Variants in SYNRG observed in about 807,000 individuals in gnomAD.
The protein encoded by SYNRG is AP1 gamma subunit binding protein 1.
In SYNRG, 37 loss-of-function variants were observed where a neutral mutation model predicts 130.9. The ratio of observed to expected loss-of-function variants is 0.28; its 90% CI spans 0.22 to 0.37. The LOEUF (loss-of-function observed/expected upper bound fraction) is 0.37. Among genes scored for constraint, SYNRG ranks in the 10% least tolerant of loss-of-function variants. The probability of loss-of-function intolerance (pLI) is 1.00; values close to 1 mark genes in which losing one functional copy is unlikely to be tolerated. For synonymous variants in SYNRG, 539 were observed against 568.1 expected (o/e 0.95, Z 0.73); for missense variants, 1,338 against 1,588.9 (o/e 0.84, Z 2.68).
At chr17:37,573,807 G>A (rs2060615892) in intron 8 of SYNRG, among the ~76,000 whole-genome samples, 1 of 152,178 alleles carries the variant, frequency 6.6e-6, no homozygotes, top group African/African-American at 2.4e-5. Context: ...TTGTTAAAAT[G>A]TCCATAGTAC....
At position 37,577,517 on chromosome 17, in the gene SYNRG, G is replaced by A; in HGVS notation, c.686C>T (p.Ala229Val). ...CTTCTTACTGGAACCTGGGCCTAGG[G>A]CTTTGTGGCCAACTTCAGAAGTATT... The part of the protein sequence containing the change: ...KLNTSEVGHK[A>V]LGPGSSKKYP... Residue 229 changes from alanine to valine, a missense_variant, in exon 7 of 22, where the codon GCC (alanine) becomes GTC (valine). Coordinates refer to ENST00000612223, the MANE Select transcript of SYNRG (RefSeq NM_007247.6). 6.2e-7 allele frequency: 1 copy of A among 1,614,060 alleles called. No homozygotes were observed. The highest frequency in any genetic ancestry group is 8.5e-7 in the Non-Finnish European group (1 of 1,180,022).
intron 18 of SYNRG, chr17:37,537,567 C>T (rs1334256431): frequency 6.6e-6 from 1 of 152,200 alleles, no homozygotes; most frequent in Admixed American, 6.6e-5. Context: ...GAGGTGGACG[C>T]TGCAGTGAGT....
Position 37,553,543 on chromosome 17 carries a change from T to G in SYNRG, c.2180A>C (p.Asn727Thr), listed in dbSNP as rs769443400. 6.2e-7 allele frequency: 1 copy of G among 1,614,238 alleles called. No homozygotes were observed. Among genetic ancestry groups the G allele is most frequent in the South Asian group, 1.1e-5 (1 of 91,088 alleles). ...EEASPVPLTS[N>T]VGSTVKGGQN... Reference sequence around the variant, plus strand: ...TCCACCCTTCACTGTGCTGCCCACGTTGCTGGTTAGAGGAACAGGACTGGC... The same window carrying G: ...TCCACCCTTCACTGTGCTGCCCACGGTGCTGGTTAGAGGAACAGGACTGGC... The change falls in exon 14 of 22, where the codon AAC (asparagine) becomes ACC (threonine). Residue 727 changes from asparagine (N) to threonine (T), a missense_variant. Around this residue, in one of 3 missense-constraint regions of SYNRG, gnomAD observed 1,146 missense variants for 1,342.3 expected, o/e 0.85. Transcript: ENST00000612223.
chr17:37,608,692 TACAAG>T (rs572307518), intron 1 of SYNRG, among the ~76,000 whole-genome samples: 186 of 152,334 alleles, frequency 1.2e-3, no homozygotes, highest in African/African-American at 4.4e-3. Context: ...AGAGTTAGTG[TACAAG>T]ACAAGAACTC....
rs532745787 is a variant in SYNRG at position 37,529,507 on chromosome 17, C to T, written c.3666+6472G>A. ...CATTGAGTGGTACAACCAAGATTTTCGCATTTTATTGTACATGTATATATA... is the reference window on the plus strand; with the variant it reads ...CATTGAGTGGTACAACCAAGATTTTTGCATTTTATTGTACATGTATATATA... On this transcript the variant is annotated intron_variant, in intron 19 of 21. Coordinates refer to ENST00000612223, the MANE Select transcript of SYNRG (RefSeq NM_007247.6). Among the ~76,000 whole-genome samples the T allele has an allele frequency of 1.2e-3, 174 of 141,184 alleles. 1 individual carries two copies. Among genetic ancestry groups the T allele is most frequent in the African/African-American group, 3.8e-3 (143 of 37,792 alleles). The allele number at this position is 141,184 out of a possible 152,430, so 92.6% of individuals were successfully genotyped here. A position where few individuals can be genotyped will look rare whatever the true frequency, so the allele number is the denominator to read the frequency against.
intron 8 of SYNRG, among the ~76,000 whole-genome samples, chr17:37,574,842 A>G (rs2060687083): frequency 1.3e-5 from 2 of 151,960 alleles, no homozygotes; most frequent in South Asian, 4.2e-4. Flanking sequence ...AGAACAGTAT[A>G]AAGGTTTCTC....
chr17:37,585,591 T>C lies in SYNRG; in HGVS notation c.372-161A>G, dbSNP rs192868997. 3.0e-3 allele frequency among the ~76,000 whole-genome samples: 457 copies of C among 152,354 alleles called. 1 individual carries two copies. The highest frequency in any genetic ancestry group is 5.2e-3 in the Non-Finnish European group (354 of 68,032). Reference sequence around the variant, plus strand: ...TCTTACGACAATCCTGTTTCCTCACTATATTAATTCCAAAATATTTGACAT... The same window carrying C: ...TCTTACGACAATCCTGTTTCCTCACCATATTAATTCCAAAATATTTGACAT... On this transcript the variant is annotated intron_variant, in intron 4 of 21. Transcript: ENST00000612223.
intron 19 of SYNRG, among the ~76,000 whole-genome samples, chr17:37,532,193 TAAA>T (rs2056697264): frequency 6.6e-6 from 1 of 152,228 alleles, no homozygotes; most frequent in African/African-American, 2.4e-5. Context: ...TGTGCTCAGA[TAAA>T]GAAGAAAAGA....
At chr17:37,526,669 TGTG>T (rs1008445664) in intron 19 of SYNRG, among the ~76,000 whole-genome samples, 1 of 152,200 alleles carries the variant, frequency 6.6e-6, no homozygotes, top group Non-Finnish European at 1.5e-5. Flanking sequence ...TTCCCTGACT[TGTG>T]GTCCCATCTT....
rs1397903159 is a variant in SYNRG at position 37,515,898 on chromosome 17, C to A, written c.*3042G>T. 1.3e-5 allele frequency: 2 copies of A among 152,142 alleles called. No homozygotes were observed. The highest frequency in any genetic ancestry group is 2.9e-5 in the Non-Finnish European group (2 of 68,028). The allele number at this position is 152,142 out of a possible 1,614,324, so 9.4% of individuals were successfully genotyped here. The stretch of plus-strand genomic sequence containing the variant: ...ACACCTTTAAACAAATAAGACCCCC[C>A]CAAAACCCTTCAAATATGTATATGT... On this transcript the variant is annotated 3_prime_UTR_variant, in exon 22 of 22. Coordinates refer to ENST00000612223, the MANE Select transcript of SYNRG (RefSeq NM_007247.6).
At chr17:37,601,231 C>T (rs1431780955) in intron 1 of SYNRG, among the ~76,000 whole-genome samples, 2 of 151,988 alleles carry the variant, frequency 1.3e-5, no homozygotes, top group East Asian at 1.9e-4. Context: ...CCACGACTGG[C>T]TAATTTTTTG....
chr17:37,521,006 A>G (rs1028711641), intron 19 of SYNRG, among the ~76,000 whole-genome samples: 1 of 149,620 alleles, frequency 6.7e-6, no homozygotes, highest in Non-Finnish European at 1.5e-5. Flanking sequence ...CTGAAGCCAG[A>G]GACTGCGTCC....
chr17:37,591,585 G>A (rs1453566511), intron 3 of SYNRG, among the ~76,000 whole-genome samples: 1 of 152,198 alleles, frequency 6.6e-6, no homozygotes, highest in Non-Finnish European at 1.5e-5. Flanking sequence ...CTGTGTTATT[G>A]GTGAAGGAAC....
intron 15 of SYNRG, chr17:37,541,387 GAC>G (rs1231313355): frequency 7.9e-6 from 3 of 378,876 alleles, no homozygotes; most frequent in Non-Finnish European, 3.6e-6. Context: ...GAGAGAGAAT[GAC>G]CCACCTACAG....
rs758620977 is a variant in SYNRG, at chr17:37,577,560, G to T, written c.643C>A (p.Gln215Lys). The stretch of plus-strand genomic sequence containing the variant: ...GAAGTATTTAATTTAATTTGTTCCT[G>T]CCCAGATGTACTTATATCACAAGAT... ...LVSCDISTSG[Q>K]EQIKLNTSEV... The change falls in exon 7 of 22, where the codon CAG becomes AAG. Residue 215 changes from glutamine (Q) to lysine (K), a missense_variant. Physicochemically the swap from Gln to Lys is moderately conservative, Grantham distance 53 (BLOSUM62 1). Coordinates refer to ENST00000612223, the MANE Select transcript of SYNRG (RefSeq NM_007247.6). 25 of 1,614,064 alleles carry T rather than the reference G, an allele frequency of 1.5e-5. No homozygotes were observed. In the South Asian group the frequency reaches 2.6e-4, roughly 17 times the overall value.
chr17:37,553,808 T>C lies in SYNRG; in HGVS notation c.1915A>G (p.Thr639Ala). ...TGTGGTGTAGAAACTGATTTTGATG[T>C]GCTAAACACAGCTGAAAAAGACAAT... The part of the protein sequence containing the change: ...KPLSFSAVFS[T>A]SKSVSTPQST... Residue 639 changes from threonine to alanine, a missense_variant, in exon 14 of 22, where the codon ACA (threonine) becomes GCA (alanine). Around this residue, in one of 3 missense-constraint regions of SYNRG, gnomAD observed 1,146 missense variants for 1,342.3 expected, o/e 0.85. Transcript: ENST00000612223. 1 of 1,613,270 alleles carries C rather than the reference T, an allele frequency of 6.2e-7. No individual in the cohort carries two copies. Among genetic ancestry groups the C allele is most frequent in the Non-Finnish European group, 8.5e-7 (1 of 1,179,852 alleles).
At chr17:37,524,320 G>C (rs1351107249) in intron 19 of SYNRG, among the ~76,000 whole-genome samples, 1 of 152,108 alleles carries the variant, frequency 6.6e-6, no homozygotes, top group Non-Finnish European at 1.5e-5. Context: ...GAAAAAAAAA[G>C]ATTTCTCCTT....
intron 3 of SYNRG, among the ~76,000 whole-genome samples, chr17:37,594,459 C>CTT (rs1413482052): frequency 1.5e-5 from 2 of 137,734 alleles, no homozygotes; most frequent in Non-Finnish European, 3.1e-5. Flanking sequence ...TGCCTTTCTT[C>CTT]TTCTTTTTTT....
chr17:37,540,603 G>A (rs2057659788), intron 15 of SYNRG, 60 bp from the exon 16 acceptor site: 1 of 1,466,806 alleles, frequency 6.8e-7, no homozygotes. Flanking sequence ...TCAGGCAGAG[G>A]CTCTTCCTCG....
Sources: gnomAD v4.1 joint callset for allele counts (sites outside exome capture counted in the v4.1 genomes callset) on GRCh38, gnomAD v4.1.1 for gene constraint, gnomAD v4.1.1 regional missense constraint, MANE v1.5 for transcripts, NCBI Gene and HGNC (gene_info 2026-07-23, HGNC 2026-07-21) for gene names.